Variants in ARB2A observed in about 807,000 individuals in gnomAD.
The protein encoded by ARB2A is ARB2 cotranscriptional regulator A.
chr5:93,731,109 TA>T, the ARB2A span, among the ~76,000 whole-genome samples: 1 of 152,076 alleles, frequency 6.6e-6, no homozygotes, highest in Non-Finnish European at 1.5e-5. Context: ...CCTGATCACC[TA>T]TTTTTTCCTC....
chr5:93,885,308 G>C, the ARB2A span, among the ~76,000 whole-genome samples: 168 of 151,594 alleles, frequency 1.1e-3, 1 homozygote, highest in Non-Finnish European at 1.8e-3. Context: ...ACTCTACTAA[G>C]GAAGGCTCCA....
the ARB2A span, among the ~76,000 whole-genome samples, chr5:93,828,498 C>T: frequency 1.8e-4 from 28 of 152,162 alleles, no homozygotes; most frequent in East Asian, 3.3e-3. Context: ...ATCCTGCCAC[C>T]GTCTCTCAAA....
the ARB2A span, chr5:93,776,068 A>G: frequency 9.6e-7 from 1 of 1,047,000 alleles, no homozygotes; most frequent in Non-Finnish European, 1.4e-6. Flanking sequence ...ATAAAAACAA[A>G]CTAATTCACA....
At chr5:94,029,380 A>G in the ARB2A span, among the ~76,000 whole-genome samples, 1 of 152,138 alleles carries the variant, frequency 6.6e-6, no homozygotes, top group Non-Finnish European at 1.5e-5. Flanking sequence ...TTTTAATGAC[A>G]TTTATGTTTT....
At chr5:93,662,088 A>G in the ARB2A span, among the ~76,000 whole-genome samples, 1 of 152,226 alleles carries the variant, frequency 6.6e-6, no homozygotes, top group Non-Finnish European at 1.5e-5. Flanking sequence ...CAAGATAATG[A>G]GTACTCTCAC....
chr5:93,988,124 G>A, the ARB2A span, among the ~76,000 whole-genome samples: 3 of 151,750 alleles, frequency 2.0e-5, no homozygotes, highest in Admixed American at 6.6e-5. Context: ...CTCTACTATC[G>A]CCATTCTAGT....
the ARB2A span, chr5:94,074,601 T>C: frequency 1.0e-4 from 152 of 1,452,440 alleles, 2 homozygotes; most frequent in African/African-American, 1.7e-3. Flanking sequence ...TACACCTTTA[T>C]TAGGCACAAT....
chr5:93,913,993 T>G, the ARB2A span, among the ~76,000 whole-genome samples: 168 of 152,082 alleles, frequency 1.1e-3, no homozygotes, highest in African/African-American at 3.9e-3. Flanking sequence ...AGATAAAATA[T>G]TCTCCTTTCT....
the ARB2A span, among the ~76,000 whole-genome samples, chr5:93,959,416 C>T: frequency 1.3e-5 from 2 of 151,840 alleles, no homozygotes; most frequent in African/African-American, 4.8e-5. Flanking sequence ...ATAAGTTGCC[C>T]ACGGTCACAC....
At chr5:94,095,647 T>A in the ARB2A span, among the ~76,000 whole-genome samples, 1 of 151,898 alleles carries the variant, frequency 6.6e-6, no homozygotes, top group Non-Finnish European at 1.5e-5. Context: ...AACTTAGGGA[T>A]AATTTTCTCC....
chr5:93,765,875 A>G, the ARB2A span, among the ~76,000 whole-genome samples: 2 of 152,160 alleles, frequency 1.3e-5, no homozygotes, highest in Non-Finnish European at 2.9e-5. Context: ...GCCCTATGAA[A>G]TAATGCTGCA....
the ARB2A span, among the ~76,000 whole-genome samples, chr5:93,956,422 C>T: frequency 6.6e-5 from 10 of 152,096 alleles, no homozygotes; most frequent in East Asian, 1.7e-3. Flanking sequence ...GATAGGAATC[C>T]AATTTTAGGA....
the ARB2A span, among the ~76,000 whole-genome samples, chr5:93,635,079 T>C: frequency 6.6e-6 from 1 of 152,112 alleles, no homozygotes; most frequent in Admixed American, 6.5e-5. Context: ...TGGCCTTCTT[T>C]GTCATTTTCA....
At chr5:93,763,748 T>G in the ARB2A span, among the ~76,000 whole-genome samples, 40 of 152,278 alleles carry the variant, frequency 2.6e-4, no homozygotes, top group African/African-American at 9.6e-4. Context: ...ATATACATTT[T>G]TTTTCAGCAC....
chr5:93,620,821 A>C, the ARB2A span: 3 of 843,696 alleles, frequency 3.6e-6, no homozygotes, highest in Admixed American at 1.1e-4. Flanking sequence ...TGACAGTTGC[A>C]CTCATCTAGA....
the ARB2A span, chr5:93,776,153 A>T: frequency 3.1e-6 from 5 of 1,602,420 alleles, no homozygotes; most frequent in South Asian, 1.1e-5. Context: ...CTCATCAAAC[A>T]CATACCTGCT....
the ARB2A span, among the ~76,000 whole-genome samples, chr5:94,003,226 A>G: frequency 6.6e-6 from 1 of 152,194 alleles, no homozygotes. Flanking sequence ...TAGAGTATCA[A>G]CAAAAAACCT....
the ARB2A span, among the ~76,000 whole-genome samples, chr5:93,804,676 C>T: frequency 1.3e-5 from 2 of 151,526 alleles, no homozygotes; most frequent in African/African-American, 4.8e-5. Flanking sequence ...TTTATATTAC[C>T]TTGGGGCAGG....
the ARB2A span, among the ~76,000 whole-genome samples, chr5:94,027,515 A>G: frequency 6.6e-6 from 1 of 152,158 alleles, no homozygotes. Context: ...CTGGGTCTGG[A>G]GAACTTCTGA....
Sources: gnomAD v4.1 joint callset for allele counts (sites outside exome capture counted in the v4.1 genomes callset) on GRCh38, gnomAD v4.1.1 for gene constraint, MANE v1.5 for transcripts, NCBI Gene and HGNC (gene_info 2026-07-23, HGNC 2026-07-21) for gene names.